The following PDE1A variants were observed in gnomAD, a reference collection of about 807,000 sequenced individuals.
PDE1A encodes the protein phosphodiesterase 1A.
In PDE1A, 35 loss-of-function variants were observed where a neutral mutation model predicts 61.7. The ratio of observed to expected loss-of-function variants is 0.57; its 90% CI spans 0.43 to 0.75. The LOEUF (loss-of-function observed/expected upper bound fraction) is 0.75, where lower values mean the gene tolerates loss of function less well. Among genes scored for constraint, PDE1A ranks in the 30% least tolerant of loss-of-function variants. PDE1A has a pLI of 0.00. For missense variants in PDE1A, 597 were observed against 630.6 expected (o/e 0.95, Z 0.57); for synonymous variants, 232 against 213.2 (o/e 1.09, Z -0.77).
In PDE1A at chr2:182,354,810, C is replaced by T. The variant is rs943074127; in HGVS notation, c.53+71768G>A. 7.2e-5 allele frequency among the ~76,000 whole-genome samples: 11 copies of T among 152,140 alleles called. No homozygotes were observed. The East Asian group carries it at 1.4e-3, about 19-fold the overall frequency. ...ACTTTAAAGACCATTTTTAAAAGAA[C>T]GCTGGAACCTTAGACCAGAGGTTCC... On this transcript the variant is annotated intron_variant, in intron 1 of 13. Transcript: ENST00000351439.
chr2:182,562,413 T>A, the PDE1A span, among the ~76,000 whole-genome samples: 2 of 149,658 alleles, frequency 1.3e-5, no homozygotes, highest in Non-Finnish European at 3.0e-5. Context: ...GCCCACTTGA[T>A]CATGGTGGAT....
intron 2 of PDE1A, among the ~76,000 whole-genome samples, chr2:182,260,989 T>C (rs1187498291): frequency 6.6e-6 from 1 of 152,222 alleles, no homozygotes; most frequent in Non-Finnish European, 1.5e-5. Flanking sequence ...TACAATCTGG[T>C]AATAATAGAG....
chr2:182,639,544 C>A, the PDE1A span, among the ~76,000 whole-genome samples: 1 of 151,880 alleles, frequency 6.6e-6, no homozygotes, highest in South Asian at 2.1e-4. Context: ...CTCCGGCCTG[C>A]ATGACAGAGT....
chr2:182,166,303 A>C (rs1176917295), downstream of PDE1A, among the ~76,000 whole-genome samples: 1 of 152,166 alleles, frequency 6.6e-6, no homozygotes, highest in Non-Finnish European at 1.5e-5. Context: ...GCACCATCCA[A>C]TCAGCTGGGG....
chr2:182,703,823 C>G, the PDE1A span, among the ~76,000 whole-genome samples: 1 of 152,120 alleles, frequency 6.6e-6, no homozygotes, highest in Non-Finnish European at 1.5e-5. Flanking sequence ...ATATTCCAGG[C>G]CATCCATAAA....
intron 10 of PDE1A, among the ~76,000 whole-genome samples, chr2:182,194,983 C>T (rs1686021214): frequency 7.1e-6 from 1 of 140,526 alleles, no homozygotes; most frequent in Non-Finnish European, 1.5e-5. Flanking sequence ...TGCTACTTTT[C>T]TGATTTTTTG....
intron 1 of PDE1A, among the ~76,000 whole-genome samples, chr2:182,426,264 A>C (rs1703616689): frequency 6.6e-6 from 1 of 152,260 alleles, no homozygotes; most frequent in Non-Finnish European, 1.5e-5. Context: ...TTTCCTATTT[A>C]GAGGGCTGTG....
the PDE1A span, among the ~76,000 whole-genome samples, chr2:182,558,706 A>G: frequency 2.0e-5 from 3 of 152,258 alleles, no homozygotes; most frequent in Admixed American, 2.0e-4. Context: ...GCCATGCCAA[A>G]GACAAAGGAT....
At chr2:182,629,258 G>C in the PDE1A span, among the ~76,000 whole-genome samples, 1 of 152,206 alleles carries the variant, frequency 6.6e-6, no homozygotes, top group South Asian at 2.1e-4. Flanking sequence ...AGAGGATTCA[G>C]CTAAGCTGTG....
At chr2:182,631,798 C>G in the PDE1A span, among the ~76,000 whole-genome samples, 1 of 152,206 alleles carries the variant, frequency 6.6e-6, no homozygotes, top group Middle Eastern at 3.2e-3. Context: ...TCCTCTGCAT[C>G]TCTTTCAAGT....
At chr2:182,522,606 A>G in intron 1 of PDE1A, 2 of 1,317,248 alleles carry the variant, frequency 1.5e-6, no homozygotes, top group African/African-American at 1.5e-5. Flanking sequence ...CAGTATAAAC[A>G]GATGCTCTGA....
intron 13 of PDE1A, among the ~76,000 whole-genome samples, chr2:182,172,172 C>T (rs1234451283): frequency 1.3e-5 from 2 of 151,950 alleles, no homozygotes; most frequent in Admixed American, 1.3e-4. Context: ...GTGGGTAATA[C>T]TATTTCATTT....
At chr2:182,555,881 C>T in the PDE1A span, among the ~76,000 whole-genome samples, 620 of 139,498 alleles carry the variant, frequency 4.4e-3, 7 homozygotes, top group African/African-American at 0.016. Flanking sequence ...GCAGGAGAAT[C>T]GCTTGGACCC....
At chr2:182,494,398 C>A (rs1348156156) in intron 2 of PDE1A, among the ~76,000 whole-genome samples, 1 of 151,510 alleles carries the variant, frequency 6.6e-6, no homozygotes, top group African/African-American at 2.4e-5. Flanking sequence ...CTCTCCACAC[C>A]CAATGCTCAG....
At chr2:182,477,468 G>T (rs1687439029) in intron 2 of PDE1A, among the ~76,000 whole-genome samples, 1 of 151,880 alleles carries the variant, frequency 6.6e-6, no homozygotes, top group South Asian at 2.1e-4. Context: ...GTCAAGGAAA[G>T]TTCCTTGAGT....
At chr2:182,454,678 C>T (rs1178252628) in intron 2 of PDE1A, among the ~76,000 whole-genome samples, 2 of 151,642 alleles carry the variant, frequency 1.3e-5, no homozygotes, top group Non-Finnish European at 2.9e-5. Context: ...AAAGGATTCC[C>T]TATTTAATAA....
intron 2 of PDE1A, among the ~76,000 whole-genome samples, chr2:182,488,625 AAC>A (rs1688178530): frequency 1.3e-5 from 2 of 152,350 alleles, no homozygotes; most frequent in East Asian, 3.9e-4. Flanking sequence ...CTGCAAAATT[AAC>A]AGTTTTTGAA....
the PDE1A span, among the ~76,000 whole-genome samples, chr2:182,626,760 T>TATATAC: frequency 9.7e-5 from 1 of 10,318 alleles, no homozygotes; most frequent in African/African-American, 2.6e-4. Flanking sequence ...TATATATATA[T>TATATAC]ACATATATAT....
the PDE1A span, among the ~76,000 whole-genome samples, chr2:182,669,849 G>C: frequency 6.6e-6 from 1 of 152,178 alleles, no homozygotes. Flanking sequence ...TGCGTTCTGA[G>C]CTAAGGAATC....
Sources: gnomAD v4.1 joint callset for allele counts (sites outside exome capture counted in the v4.1 genomes callset) on GRCh38, gnomAD v4.1.1 for gene constraint, MANE v1.5 for transcripts, NCBI Gene and HGNC (gene_info 2026-07-23, HGNC 2026-07-21) for gene names.